Variants in PCDH15 observed in about 807,000 individuals in gnomAD.
The protein encoded by PCDH15 is protocadherin-15.
In PCDH15, 129 loss-of-function variants were observed where a neutral mutation model predicts 178.5. That is an observed-to-expected ratio of 0.72 (90% CI 0.63 to 0.84). The LOEUF is 0.84. Ranked by LOEUF, PCDH15 falls within the 40% of genes least tolerant of loss-of-function variation. PCDH15 has a pLI of 0.00. For synonymous variants in PCDH15, 800 were observed against 732.0 expected (o/e 1.09, Z -1.50); for missense variants, 2,230 against 2,099.9 (o/e 1.06, Z -1.21).
intron 2 of PCDH15, among the ~76,000 whole-genome samples, chr10:54,660,080 A>C (rs1422168321): frequency 6.6e-6 from 1 of 152,146 alleles, no homozygotes; most frequent in African/African-American, 2.4e-5. Context: ...AACAAAAATC[A>C]GAGCAGAACT....
intron 10 of PCDH15, among the ~76,000 whole-genome samples, chr10:54,211,783 A>G (rs12772336): frequency 6.6e-6 from 1 of 152,078 alleles, no homozygotes; most frequent in Non-Finnish European, 1.5e-5. Context: ...AAGATTTACT[A>G]TAGAGGAGAA....
chr10:54,148,944 ATAAGTC>A (rs1371997184), intron 14 of PCDH15, among the ~76,000 whole-genome samples: 1 of 151,970 alleles, frequency 6.6e-6, no homozygotes, highest in African/African-American at 2.4e-5. Flanking sequence ...TATTGACTAG[ATAAGTC>A]TAAGTTTCTT....
intron 2 of PCDH15, among the ~76,000 whole-genome samples, chr10:54,988,195 G>A (rs1340802808): frequency 6.6e-6 from 1 of 152,102 alleles, no homozygotes; most frequent in Non-Finnish European, 1.5e-5. Flanking sequence ...TTATTTCTGA[G>A]GTCTCTTTTC....
Position 54,655,904 on chromosome 10 carries a change from G to A in PCDH15, c.91+8268C>T, listed in dbSNP as rs141679698. 5.9e-5 allele frequency: 9 copies of A among 152,170 alleles called. No individual in the cohort carries two copies. In the East Asian group the frequency reaches 1.5e-3, roughly 26 times the overall value. 9.4% of individuals were successfully genotyped at this position (152,170 alleles called of 1,614,324 possible). A position where few individuals can be genotyped will look rare whatever the true frequency, so the allele number is the denominator to read the frequency against. On this transcript the variant is annotated intron_variant, in intron 2 of 37. Coordinates refer to ENST00000644397, the MANE Select transcript of PCDH15 (RefSeq NM_001384140.1). Reference sequence around the variant, plus strand: ...GATTGCTTAGAAAAAAATTATTGGAGTTAACATTGAAAGTAACAATGGTAT... The same window carrying A: ...GATTGCTTAGAAAAAAATTATTGGAATTAACATTGAAAGTAACAATGGTAT...
chr10:54,313,570 G>T (rs1259597309), intron 8 of PCDH15, among the ~76,000 whole-genome samples: 1 of 152,004 alleles, frequency 6.6e-6, no homozygotes, highest in Non-Finnish European at 1.5e-5. Flanking sequence ...ATCAATTTTT[G>T]CATGTAGAGC....
At chr10:54,360,750 T>C (rs1468875652) in intron 5 of PCDH15, among the ~76,000 whole-genome samples, 1 of 152,076 alleles carries the variant, frequency 6.6e-6, no homozygotes. Flanking sequence ...ATTTTGTAAG[T>C]AAGGTCTTTT....
At chr10:55,274,012 G>T (rs1175041990) in intron 1 of PCDH15, among the ~76,000 whole-genome samples, 1 of 152,094 alleles carries the variant, frequency 6.6e-6, no homozygotes, top group Non-Finnish European at 1.5e-5. Flanking sequence ...GTATGTGTGT[G>T]TGTGCATATG....
chr10:54,834,408 A>G (rs948648251), intron 3 of PCDH15, among the ~76,000 whole-genome samples: 147 of 151,838 alleles, frequency 9.7e-4, no homozygotes, highest in African/African-American at 3.4e-3. Context: ...CGAACTCCTG[A>G]CCTCAGGTGA....
intron 3 of PCDH15, among the ~76,000 whole-genome samples, chr10:54,880,516 G>T (rs983596783): frequency 2.6e-5 from 4 of 151,694 alleles, no homozygotes; most frequent in Non-Finnish European, 4.4e-5. Flanking sequence ...TTGCCACTTT[G>T]TTTAAAACCC....
intron 10 of PCDH15, among the ~76,000 whole-genome samples, chr10:54,198,495 CTTTT>C (rs1186240206): frequency 1.3e-4 from 4 of 31,170 alleles, no homozygotes; most frequent in Non-Finnish European, 1.8e-4. Context: ...TCTAATTATT[CTTTT>C]TTTTTTTTTT....
chr10:55,486,714 T>A (rs544920129), intron 2 of PCDH15, among the ~76,000 whole-genome samples: 1 of 151,694 alleles, frequency 6.6e-6, no homozygotes, highest in South Asian at 2.1e-4. Context: ...TCTATGTTGA[T>A]CAGGCTCATC....
At chr10:54,853,684 C>A (rs1004590929) in intron 3 of PCDH15, among the ~76,000 whole-genome samples, 2 of 151,434 alleles carry the variant, frequency 1.3e-5, no homozygotes, top group African/African-American at 4.9e-5. Flanking sequence ...CATTTGGCAG[C>A]AAAACTTGAA....
intron 20 of PCDH15, among the ~76,000 whole-genome samples, chr10:54,016,670 A>G (rs995545002): frequency 6.6e-6 from 1 of 152,202 alleles, no homozygotes; most frequent in Non-Finnish European, 1.5e-5. Context: ...TAGAAGCTGA[A>G]GGTAAACGTT....
intron 2 of PCDH15, among the ~76,000 whole-genome samples, chr10:55,564,924 T>C (rs1842271035): frequency 6.6e-6 from 1 of 151,570 alleles, no homozygotes; most frequent in East Asian, 1.9e-4. Context: ...AATCTACCCT[T>C]AGTAATGGAT....
chr10:54,802,832 A>G (rs1023694103), upstream of PCDH15, among the ~76,000 whole-genome samples: 3 of 152,184 alleles, frequency 2.0e-5, no homozygotes, highest in Admixed American at 6.5e-5. Context: ...GTTCAATGAT[A>G]ACTCTGATGA....
intron 15 of PCDH15, among the ~76,000 whole-genome samples, chr10:54,119,608 G>T (rs916824269): frequency 6.6e-6 from 1 of 152,070 alleles, no homozygotes; most frequent in African/African-American, 2.4e-5. Flanking sequence ...CCCTGATCTT[G>T]CCAGAAAGGT....
intron 2 of PCDH15, among the ~76,000 whole-genome samples, chr10:54,944,438 T>C (rs1384082529): frequency 3.3e-5 from 5 of 151,874 alleles, no homozygotes; most frequent in African/African-American, 1.2e-4. Flanking sequence ...TGTGGCATGG[T>C]TGAGAAGCGC....
At chr10:54,548,072 G>C (rs1356474731) in intron 2 of PCDH15, among the ~76,000 whole-genome samples, 1 of 143,198 alleles carries the variant, frequency 7.0e-6, no homozygotes, top group South Asian at 2.2e-4. Flanking sequence ...CTGCACTCCA[G>C]CCTGGGCGAC....
intron 11 of PCDH15, among the ~76,000 whole-genome samples, chr10:54,193,324 C>T (rs1382249804): frequency 6.6e-6 from 1 of 152,110 alleles, no homozygotes. Flanking sequence ...AATATGAACA[C>T]ACTGAGAAGG....
Sources: gnomAD v4.1 joint callset for allele counts (sites outside exome capture counted in the v4.1 genomes callset) on GRCh38, gnomAD v4.1.1 for gene constraint, MANE v1.5 for transcripts, NCBI Gene and HGNC (gene_info 2026-07-23, HGNC 2026-07-21) for gene names.